The following RAB31 variants were observed in gnomAD, a reference collection of about 807,000 sequenced individuals.
RAB31 encodes the protein RAB31, member RAS oncogene family.
RAB31 carries 21 observed loss-of-function variants against 25.6 expected under a neutral mutation model. The ratio of observed to expected loss-of-function variants is 0.82; its 90% CI spans 0.58 to 1.18. RAB31 has a LOEUF of 1.18. Among genes scored for constraint, RAB31 ranks in the 50% most tolerant of loss-of-function variants. The pLI is 0.00. For synonymous variants in RAB31, 87 were observed against 84.0 expected, an observed-to-expected ratio of 1.04 and a Z score of -0.20; for missense variants, 196 against 250.1, an observed-to-expected ratio of 0.78 and a Z score of 1.46.
chr18:9,841,382 A>G (rs899942725), intron 5 of RAB31, among the ~76,000 whole-genome samples: 40 of 151,850 alleles, frequency 2.6e-4, no homozygotes, highest in Non-Finnish European at 5.7e-4. Context: ...TACTGAAAAT[A>G]CAAAAAGTTA....
intron 3 of RAB31, among the ~76,000 whole-genome samples, chr18:9,809,046 G>T (rs990349104): frequency 9.4e-6 from 1 of 106,728 alleles, no homozygotes; most frequent in Non-Finnish European, 2.2e-5. Flanking sequence ...AGGGGTGTGT[G>T]TGTGTGTGTG....
At chr18:9,839,566 TA>T (rs57562316) in intron 5 of RAB31, among the ~76,000 whole-genome samples, 6,385 of 152,108 alleles carry the variant, frequency 0.042, 408 homozygotes, top group African/African-American at 0.14. Flanking sequence ...GGAAGGAGGG[TA>T]AAGCAGGCTT....
intron 1 of RAB31, among the ~76,000 whole-genome samples, chr18:9,774,493 C>G (rs1398169721): frequency 6.6e-6 from 1 of 152,170 alleles, no homozygotes; most frequent in East Asian, 1.9e-4. Flanking sequence ...CTCTCCCTGC[C>G]AGCAGTTTGG....
At chr18:9,858,073 C>T (rs777631489) in intron 6 of RAB31, among the ~76,000 whole-genome samples, 2 of 152,024 alleles carry the variant, frequency 1.3e-5, no homozygotes, top group Non-Finnish European at 2.9e-5. Context: ...TGTTTCATGC[C>T]TTTTTCAAGG....
intron 6 of RAB31, among the ~76,000 whole-genome samples, chr18:9,849,020 G>A (rs557186002): frequency 6.6e-6 from 1 of 152,084 alleles, no homozygotes; most frequent in Non-Finnish European, 1.5e-5. Context: ...ATATATTGTC[G>A]TCTGATTGGT....
At chr18:9,856,720 G>T (rs933159469) in intron 6 of RAB31, among the ~76,000 whole-genome samples, 6 of 152,180 alleles carry the variant, frequency 3.9e-5, no homozygotes, top group African/African-American at 9.7e-5. Flanking sequence ...TTATAGTACT[G>T]TCCAAAAATA....
At chr18:9,775,474 A>G (rs2068367652) in intron 2 of RAB31, 117 bp downstream of exon 2, 2 of 1,516,826 alleles carry the variant, frequency 1.3e-6, no homozygotes, top group Non-Finnish European at 8.9e-7. Context: ...AGCCAGTGAG[A>G]ATCAATCCCA....
At chr18:9,714,599 C>T (rs80346601) in intron 1 of RAB31, among the ~76,000 whole-genome samples, 4,120 of 152,336 alleles carry the variant, frequency 0.027, 93 homozygotes, top group Middle Eastern at 0.092. Flanking sequence ...TGGTAGATAA[C>T]GCTTATTTGG....
chr18:9,853,540 A>C (rs1252545300), intron 6 of RAB31, among the ~76,000 whole-genome samples: 3 of 152,178 alleles, frequency 2.0e-5, no homozygotes, highest in South Asian at 4.1e-4. Flanking sequence ...GGAAGGGATG[A>C]ATTGGTGGGT....
chr18:9,721,260 G>A (rs1189816928), intron 1 of RAB31, among the ~76,000 whole-genome samples: 2 of 152,296 alleles, frequency 1.3e-5, no homozygotes, highest in East Asian at 3.9e-4. Flanking sequence ...GTGTGACAAC[G>A]TTAACGTCAT....
At chr18:9,737,282 C>A (rs1396491689) in intron 1 of RAB31, among the ~76,000 whole-genome samples, 1 of 152,156 alleles carries the variant, frequency 6.6e-6, no homozygotes, top group African/African-American at 2.4e-5. Context: ...TCACCCCAGC[C>A]ATGCCTCTGT....
intron 5 of RAB31, among the ~76,000 whole-genome samples, chr18:9,835,884 GA>G (rs2068701905): frequency 6.6e-6 from 1 of 152,116 alleles, no homozygotes; most frequent in South Asian, 2.1e-4. Flanking sequence ...GGTATTTAGA[GA>G]AAATATGAGC....
chr18:9,730,469 T>C (rs1269497411), intron 1 of RAB31, among the ~76,000 whole-genome samples: 2 of 152,130 alleles, frequency 1.3e-5, no homozygotes, highest in Non-Finnish European at 2.9e-5. Flanking sequence ...GTATTTTTTT[T>C]AGTAGAGACA....
intron 1 of RAB31, among the ~76,000 whole-genome samples, chr18:9,715,181 G>C (rs1272999640): frequency 6.6e-6 from 1 of 152,100 alleles, no homozygotes; most frequent in Non-Finnish European, 1.5e-5. Flanking sequence ...ATACAGCGGG[G>C]GCTGTGAAGT....
chr18:9,787,269 G>T, intron 2 of RAB31: 3 of 218,286 alleles, frequency 1.4e-5, no homozygotes, highest in Non-Finnish European at 9.9e-6. Flanking sequence ...CCTTACAAAT[G>T]AAATGAGTGT....
At chr18:9,748,129 G>A (rs1160147205) in intron 1 of RAB31, among the ~76,000 whole-genome samples, 2 of 152,200 alleles carry the variant, frequency 1.3e-5, no homozygotes, top group Non-Finnish European at 2.9e-5. Context: ...GCAAGGTGAG[G>A]TGATTAGGTG....
intron 1 of RAB31, among the ~76,000 whole-genome samples, chr18:9,709,788 C>T (rs2068007133): frequency 6.6e-6 from 1 of 152,210 alleles, no homozygotes; most frequent in African/African-American, 2.4e-5. Context: ...TCTCTGTTGA[C>T]CTTTTTGTGT....
chr18:9,764,698 CA>C (rs912608121), intron 1 of RAB31, among the ~76,000 whole-genome samples: 36 of 152,228 alleles, frequency 2.4e-4, no homozygotes, highest in African/African-American at 7.9e-4. Flanking sequence ...CTCTCCTGGC[CA>C]TTTTTTTGTA....
chr18:9,811,764 A>G (rs1050310215), intron 3 of RAB31, among the ~76,000 whole-genome samples: 2 of 152,226 alleles, frequency 1.3e-5, no homozygotes, highest in South Asian at 2.1e-4. Flanking sequence ...TGATAAATTA[A>G]CCACATAATA....
Sources: gnomAD v4.1 joint callset for allele counts (sites outside exome capture counted in the v4.1 genomes callset) on GRCh38, gnomAD v4.1.1 for gene constraint, MANE v1.5 for transcripts, NCBI Gene and HGNC (gene_info 2026-07-23, HGNC 2026-07-21) for gene names.